CLRN1: variants seen among roughly 807,000 people sequenced by gnomAD.
CLRN1 encodes the protein clarin 1, also known as clarin-1.
CLRN1 carries 15 observed loss-of-function variants against 18.7 expected under a neutral mutation model. The observed-to-expected ratio is 0.80, with a 90% CI of 0.54 to 1.23. The LOEUF (loss-of-function observed/expected upper bound fraction) is 1.23, where lower values mean the gene tolerates loss of function less well. CLRN1 is among the 50% of genes most tolerant of loss of function. The pLI is 0.00. For missense variants in CLRN1, 311 were observed against 277.5 expected (o/e 1.12, Z -0.86); for synonymous variants, 104 against 102.9 (o/e 1.01, Z -0.07).
In CLRN1 at chr3:150,941,356, A is replaced by G. The variant is rs148086763; in HGVS notation, c.433+226T>C. 2,099 of 485,920 alleles carry G rather than the reference A, an allele frequency of 4.3e-3. 9 individuals carry two copies. The highest frequency in any genetic ancestry group is 5.3e-3 in the Non-Finnish European group (1,443 of 274,092). 30.1% of individuals were successfully genotyped at this position (485,920 alleles called of 1,614,324 possible). On this transcript the variant is annotated intron_variant, in intron 2 of 2. Transcript: ENST00000327047. ...CTCTTGATTACATCTTCAAAAATAT[A>G]ATTTAATGTCAGCATCACAGTTATT...
At chr3:150,960,893 CTG>C (rs760799705) in intron 1 of CLRN1, among the ~76,000 whole-genome samples, 2 of 152,266 alleles carry the variant, frequency 1.3e-5, no homozygotes, top group Non-Finnish European at 2.9e-5. Context: ...GAAGGCCTCC[CTG>C]CCAAGGACAG....
rs1237832623 is a variant in CLRN1 at position 150,941,579 on chromosome 3, T to G, written c.433+3A>C. 6.2e-7 allele frequency: 1 copy of G among 1,613,864 alleles called. No homozygotes were observed. Reference sequence around the variant, plus strand: ...GTCTTCAGAGGTAGAATTTTGTACTTACCTGAAATGAAGCTCAAAAGGTAC... The same window carrying G: ...GTCTTCAGAGGTAGAATTTTGTACTGACCTGAAATGAAGCTCAAAAGGTAC... On this transcript the variant is annotated splice_donor_region_variant and intron_variant, in intron 2 of 2. Transcript: ENST00000327047.
At chr3:150,928,230 C>T (rs1712940031) in intron 2 of CLRN1, 29 bp from the exon 3 acceptor site, 2 of 1,613,034 alleles carry the variant, frequency 1.2e-6, no homozygotes, top group South Asian at 2.2e-5. Flanking sequence ...GGTGTTGGGA[C>T]AAATATTTCC....
intron 1 of CLRN1, among the ~76,000 whole-genome samples, chr3:150,948,750 T>G (rs146434286): frequency 1.6e-3 from 243 of 152,246 alleles, no homozygotes; most frequent in Non-Finnish European, 2.8e-3. Context: ...CAGGACCTGA[T>G]GGCTTCACAG....
At chr3:150,968,625 C>T (rs1382849250) in intron 1 of CLRN1, among the ~76,000 whole-genome samples, 2 of 152,142 alleles carry the variant, frequency 1.3e-5, no homozygotes, top group African/African-American at 4.8e-5. Flanking sequence ...TTTTCTGGTC[C>T]ATTTTTCATT....
At chr3:150,940,837 A>C (rs1171831562) in intron 2 of CLRN1, among the ~76,000 whole-genome samples, 1 of 152,158 alleles carries the variant, frequency 6.6e-6, no homozygotes, top group Non-Finnish European at 1.5e-5. Flanking sequence ...ATTGAGTAGC[A>C]CATGTTTATT....
chr3:150,952,215 T>C (rs944976077), intron 1 of CLRN1, among the ~76,000 whole-genome samples: 4 of 152,318 alleles, frequency 2.6e-5, no homozygotes, highest in East Asian at 1.9e-4. Context: ...CTGAAAGTTA[T>C]AAGCATTCGG....
chr3:150,946,121 G>A (rs1223097040), intron 1 of CLRN1, among the ~76,000 whole-genome samples: 1 of 152,178 alleles, frequency 6.6e-6, no homozygotes, highest in Non-Finnish European at 1.5e-5. Context: ...AATGTGATGT[G>A]AGGTGAAAAA....
intron 1 of CLRN1, among the ~76,000 whole-genome samples, chr3:150,952,280 C>G (rs1338144599): frequency 6.6e-6 from 1 of 152,060 alleles, no homozygotes; most frequent in Admixed American, 6.5e-5. Flanking sequence ...TAGTAATAAG[C>G]GATAAGAAAC....
At chr3:150,941,896 C>T in intron 1 of CLRN1, 135 bp from the exon 2 acceptor site, 3 of 821,136 alleles carry the variant, frequency 3.7e-6, no homozygotes, top group Non-Finnish European at 6.0e-6. Context: ...TTCTCACTTA[C>T]TAACTTATAA....
intron 1 of CLRN1, among the ~76,000 whole-genome samples, chr3:150,965,452 T>C (rs773993571): frequency 6.6e-6 from 1 of 152,212 alleles, no homozygotes; most frequent in Non-Finnish European, 1.5e-5. Context: ...AGTAATTCAA[T>C]ATTAATGAGT....
chr3:150,934,879 T>G (rs1386947532), intron 2 of CLRN1, among the ~76,000 whole-genome samples: 2 of 152,018 alleles, frequency 1.3e-5, no homozygotes, highest in Non-Finnish European at 2.9e-5. Flanking sequence ...GGGAAGCTTT[T>G]TCACCCCCTT....
rs1179882830 is a variant in CLRN1 at position 150,936,663 on chromosome 3, C to G, written c.433+4919G>C. Among the ~76,000 whole-genome samples, 7 of 152,254 alleles carry G rather than the reference C, an allele frequency of 4.6e-5. No homozygotes were observed. The East Asian group carries it at 1.2e-3, about 25-fold the overall frequency. The stretch of plus-strand genomic sequence containing the variant: ...GAGAGGTAAATCAGCTATCAGATAT[C>G]TTTTTAAAATCTTTCAAAAGGTTTT... On this transcript the variant is annotated intron_variant, in intron 2 of 2. Coordinates refer to ENST00000327047, the MANE Select transcript of CLRN1 (RefSeq NM_174878.3).
chr3:150,946,897 C>A (rs1714206726), intron 1 of CLRN1, among the ~76,000 whole-genome samples: 4 of 114,080 alleles, frequency 3.5e-5, no homozygotes, highest in Admixed American at 3.0e-4. Flanking sequence ...TCCCTCCCCC[C>A]TCCCCCCACC....
At chr3:150,953,729 G>C (rs766116819) in intron 1 of CLRN1, among the ~76,000 whole-genome samples, 2 of 152,076 alleles carry the variant, frequency 1.3e-5, no homozygotes, top group Non-Finnish European at 2.9e-5. Flanking sequence ...TGTTGACCAG[G>C]CTAGTCTTGA....
intron 1 of CLRN1, among the ~76,000 whole-genome samples, chr3:150,967,045 T>A (rs1181765143): frequency 6.6e-6 from 1 of 152,162 alleles, no homozygotes; most frequent in Non-Finnish European, 1.5e-5. Context: ...CGTAATCTCT[T>A]GTGAGTGGCA....
intron 1 of CLRN1, among the ~76,000 whole-genome samples, chr3:150,956,347 A>G (rs1218197695): frequency 1.3e-5 from 2 of 152,080 alleles, no homozygotes; most frequent in Non-Finnish European, 2.9e-5. Context: ...ATTAAGCTCT[A>G]CTTTTTCAAC....
intron 1 of CLRN1, among the ~76,000 whole-genome samples, chr3:150,968,258 G>A (rs191804682): frequency 4.5e-4 from 69 of 152,188 alleles, no homozygotes; most frequent in Non-Finnish European, 7.5e-4. Flanking sequence ...CACACACTGA[G>A]GCTCAAAATT....
chr3:150,947,422 C>T (rs558253883), intron 1 of CLRN1, among the ~76,000 whole-genome samples: 1 of 152,204 alleles, frequency 6.6e-6, no homozygotes, highest in South Asian at 2.1e-4. Context: ...TTCTTAGAGA[C>T]CTATAAAGAG....
Sources: gnomAD v4.1 joint callset for allele counts (sites outside exome capture counted in the v4.1 genomes callset) on GRCh38, gnomAD v4.1.1 for gene constraint, MANE v1.5 for transcripts, NCBI Gene and HGNC (gene_info 2026-07-23, HGNC 2026-07-21) for gene names.